Variants in LRCH3 observed in about 807,000 individuals in gnomAD.
The protein encoded by LRCH3 is leucine rich repeats and calponin homology domain containing 3.
LRCH3 carries 68 observed loss-of-function variants against 104.5 expected under a neutral mutation model. The ratio of observed to expected loss-of-function variants is 0.65; its 90% confidence interval spans 0.54 to 0.80. LRCH3 has a LOEUF of 0.80. Ranked by LOEUF, LRCH3 falls within the 30% of genes least tolerant of loss-of-function variation. The pLI is 0.00. For missense variants in LRCH3, 951 were observed against 953.9 expected (o/e 1.00, Z 0.04); for synonymous variants, 344 against 361.3 (o/e 0.95, Z 0.54).
intron 20 of LRCH3, among the ~76,000 whole-genome samples, chr3:197,878,777 C>A (rs1713205799): frequency 6.6e-6 from 1 of 152,228 alleles, no homozygotes; most frequent in Non-Finnish European, 1.5e-5. Context: ...AGAGAAGAAA[C>A]TTCTACCTCC....
intron 17 of LRCH3, among the ~76,000 whole-genome samples, chr3:197,869,347 C>G (rs1049776086): frequency 6.6e-6 from 1 of 150,868 alleles, no homozygotes; most frequent in Admixed American, 6.6e-5. Context: ...AAGCGGTGCA[C>G]TGTACCTGCA....
At chr3:197,858,371 G>A (rs527771745) in intron 14 of LRCH3, among the ~76,000 whole-genome samples, 13 of 151,948 alleles carry the variant, frequency 8.6e-5, no homozygotes, top group Admixed American at 1.3e-4. Context: ...ATGAAATGCC[G>A]GTTCCTCCTT....
rs1475873958 is a variant in LRCH3 at position 197,835,744 on chromosome 3, A to T, written c.1173A>T (p.Arg391Ser). Residue 391 changes from arginine to serine, a missense_variant, in exon 9 of 21, where the codon AGA (arginine) becomes AGT (serine). By Grantham distance (110) the Arg-to-Ser change is moderately radical. Transcript: ENST00000425562. ...CTAEEEEAEV[R>S]QPKGPDPDSL... ...CAGAGGAAGAGGAGGCCGAGGTGAGACAGCCCAAGGGACCAGACCCAGACA... is the reference window on the plus strand; with the variant it reads ...CAGAGGAAGAGGAGGCCGAGGTGAGTCAGCCCAAGGGACCAGACCCAGACA... The T allele has an allele frequency of 6.2e-7, 1 of 1,614,094 alleles. No homozygotes were observed. The highest frequency in any genetic ancestry group is 8.5e-7 in the Non-Finnish European group (1 of 1,180,026).
chr3:197,843,904 G>A (rs987932084), intron 10 of LRCH3, among the ~76,000 whole-genome samples: 1 of 152,102 alleles, frequency 6.6e-6, no homozygotes, highest in Non-Finnish European at 1.5e-5. Flanking sequence ...TGATATTTTA[G>A]AGTTACTTTT....
chr3:197,791,271 G>T lies in LRCH3; in HGVS notation c.-8G>T. 6.2e-7 allele frequency: 1 copy of T among 1,608,402 alleles called. No individual in the cohort carries two copies. The highest frequency in any genetic ancestry group is 8.5e-7 in the Non-Finnish European group (1 of 1,178,628). ...GAGCTGGCGGGCCCGAGTGTTGTCG[G>T]CTGGGAAATGGCGGCCGCGGGCTTG... On this transcript the variant is annotated 5_prime_UTR_variant, in exon 1 of 21. Coordinates refer to ENST00000425562, the MANE Select transcript of LRCH3 (RefSeq NM_001365715.1).
Position 197,818,763 on chromosome 3 carries a change from G to T in LRCH3, c.534+1461G>T, listed in dbSNP as rs191299784. ...AAGGTAGAGATGTGTTATAGAAGCT[G>T]CTTTTTGTTTTCTACAAAAGAGGTT... On this transcript the variant is annotated intron_variant, in intron 3 of 20. Coordinates refer to ENST00000425562, the MANE Select transcript of LRCH3 (RefSeq NM_001365715.1). Among the ~76,000 whole-genome samples, 633 of 152,304 alleles carry T rather than the reference G, an allele frequency of 4.2e-3. 2 individuals carry two copies. The highest frequency in any genetic ancestry group is 5.1e-3 in the Non-Finnish European group (348 of 68,034).
intron 1 of LRCH3, among the ~76,000 whole-genome samples, chr3:197,809,316 T>G (rs1387306784): frequency 1.6e-4 from 24 of 151,986 alleles, no homozygotes; most frequent in Non-Finnish European, 3.1e-4. Context: ...AAAAGGACTT[T>G]TTTTCTCTGT....
At position 197,839,372 on chromosome 3, in the gene LRCH3, A is replaced by T; in HGVS notation, c.1303A>T (p.Met435Leu). Reference protein sequence around the residue: ...AIREFQKTEDMRRYLHQNRVP... With the variant: ...AIREFQKTEDLRRYLHQNRVP... ...TAGGGAGTTTCAAAAAACAGAAGAT[A>T]TGAGAAGATATTTACATCAAAACAG... Residue 435 changes from methionine to leucine, a missense_variant, in exon 10 of 21, where the codon ATG becomes TTG. By Grantham distance (15) the Met-to-Leu change is conservative. Transcript: ENST00000425562. The T allele has an allele frequency of 6.3e-7, 1 of 1,595,900 alleles. No homozygotes were observed. The highest frequency in any genetic ancestry group is 2.2e-5 in the East Asian group (1 of 44,580).
chr3:197,851,048 A>C (rs1486460978), intron 12 of LRCH3: 1 of 718,130 alleles, frequency 1.4e-6, no homozygotes, highest in Non-Finnish European at 2.6e-6. Flanking sequence ...CAGTTTACTA[A>C]GATTAAATAC....
At chr3:197,882,459 T>C (rs936813866) in intron 20 of LRCH3, 3 of 948,656 alleles carry the variant, frequency 3.2e-6, no homozygotes, top group Non-Finnish European at 3.8e-6. Context: ...ATACTTGTTA[T>C]ATATTTTATT....
At chr3:197,791,709 G>A (rs1730536616) in intron 1 of LRCH3, among the ~76,000 whole-genome samples, 169 bp downstream of exon 1, 1 of 151,978 alleles carries the variant, frequency 6.6e-6, no homozygotes, top group Non-Finnish European at 1.5e-5. Flanking sequence ...GCCTGCGCCA[G>A]ACCCAGAGCC....
intron 1 of LRCH3, among the ~76,000 whole-genome samples, chr3:197,793,805 T>C (rs986445326): frequency 6.6e-6 from 1 of 152,184 alleles, no homozygotes; most frequent in African/African-American, 2.4e-5. Flanking sequence ...TTACAAGGTA[T>C]TTTATAAGCT....
At chr3:197,837,886 A>G (rs1452668577) in intron 9 of LRCH3, among the ~76,000 whole-genome samples, 1 of 132,364 alleles carries the variant, frequency 7.6e-6, no homozygotes, top group African/African-American at 2.8e-5. Context: ...GTCTCTACTA[A>G]AAATATATAT....
intron 11 of LRCH3, 48 bp downstream of exon 11, chr3:197,847,508 T>C (rs773528648): frequency 6.7e-7 from 1 of 1,497,824 alleles, no homozygotes; most frequent in Non-Finnish European, 9.0e-7. Flanking sequence ...ACTAAGATGA[T>C]TTTTTTTCTT....
chr3:197,880,798 G>A (rs1580927626), intron 20 of LRCH3: 1 of 1,524,890 alleles, frequency 6.6e-7, no homozygotes, highest in Non-Finnish European at 8.8e-7. Context: ...ATTTACATAA[G>A]TGCTTTTTCT....
At chr3:197,879,635 AAAAAT>A (rs200135845) in intron 20 of LRCH3, among the ~76,000 whole-genome samples, 4,772 of 152,204 alleles carry the variant, frequency 0.031, 264 homozygotes, top group African/African-American at 0.11. Flanking sequence ...TAAAAAATAA[AAAAAT>A]AAAATAAAAC....
At chr3:197,855,235 G>A (rs568136003) in intron 14 of LRCH3, among the ~76,000 whole-genome samples, 6 of 152,284 alleles carry the variant, frequency 3.9e-5, no homozygotes, top group Non-Finnish European at 7.3e-5. Context: ...TGGTCTGTTC[G>A]CATTGCTGTG....
At chr3:197,865,319 G>T (rs1201136487) in intron 15 of LRCH3, 104 bp from the exon 16 acceptor site, 3 of 765,184 alleles carry the variant, frequency 3.9e-6, no homozygotes, top group Non-Finnish European at 2.1e-6. Flanking sequence ...AATCGTGAAG[G>T]AGAGTTACCT....
At chr3:197,805,246 G>T (rs964304825) in intron 1 of LRCH3, among the ~76,000 whole-genome samples, 6 of 152,048 alleles carry the variant, frequency 3.9e-5, no homozygotes, top group Non-Finnish European at 2.9e-5. Flanking sequence ...TTCCTGAGGG[G>T]CAAACTGATA....
Sources: gnomAD v4.1 joint callset for allele counts (sites outside exome capture counted in the v4.1 genomes callset) on GRCh38, gnomAD v4.1.1 for gene constraint, MANE v1.5 for transcripts, NCBI Gene and HGNC (gene_info 2026-07-23, HGNC 2026-07-21) for gene names.